Variants in SMURF2 observed in about 807,000 individuals in gnomAD.
SMURF2 encodes SMAD specific E3 ubiquitin protein ligase 2.
Under a neutral mutation model 109.6 loss-of-function variants are expected in SMURF2, and 48 were observed. The ratio of observed to expected loss-of-function variants is 0.44; its 90% confidence interval spans 0.35 to 0.56. The LOEUF (loss-of-function observed/expected upper bound fraction) is 0.56. SMURF2 is among the 20% of genes least tolerant of loss of function. SMURF2 has a pLI of 0.01. For missense variants in SMURF2, 575 were observed against 909.0 expected (o/e 0.63, Z 4.72); for synonymous variants, 288 against 317.1 (o/e 0.91, Z 0.97).
chr17:64,607,941 T>G (rs1969991984), intron 1 of SMURF2, among the ~76,000 whole-genome samples: 1 of 150,740 alleles, frequency 6.6e-6, no homozygotes, highest in South Asian at 2.1e-4. Flanking sequence ...ACTGTACTAG[T>G]GAGCCAAGAT....
chr17:64,568,671 C>T (rs540325513), intron 10 of SMURF2, among the ~76,000 whole-genome samples: 10 of 152,246 alleles, frequency 6.6e-5, no homozygotes, highest in Non-Finnish European at 1.2e-4. Flanking sequence ...TCCTTATCAT[C>T]TCCCCAAATT....
chr17:64,643,977 C>T (rs1344673141), intron 1 of SMURF2, among the ~76,000 whole-genome samples: 1 of 151,966 alleles, frequency 6.6e-6, no homozygotes, highest in Non-Finnish European at 1.5e-5. Context: ...AGGTGCGCGC[C>T]ACCAAGCCTG....
At chr17:64,546,126 T>C in intron 18 of SMURF2, 137 bp downstream of exon 18, 1 of 972,546 alleles carries the variant, frequency 1.0e-6, no homozygotes, top group Non-Finnish European at 1.5e-6. Flanking sequence ...TCTTAACTTT[T>C]AAATCACTTA....
At chr17:64,644,703 G>C (rs1335019489) in intron 1 of SMURF2, among the ~76,000 whole-genome samples, 1 of 150,986 alleles carries the variant, frequency 6.6e-6, no homozygotes, top group Non-Finnish European at 1.5e-5. Flanking sequence ...CCTAAGATCA[G>C]GAGTTTGAGA....
chr17:64,601,333 A>G (rs1162451617), intron 2 of SMURF2, among the ~76,000 whole-genome samples: 1 of 152,200 alleles, frequency 6.6e-6, no homozygotes, highest in African/African-American at 2.4e-5. Flanking sequence ...AAGTACTCAA[A>G]CAAATCAGCA....
intron 11 of SMURF2, among the ~76,000 whole-genome samples, chr17:64,561,906 G>A (rs1178717851): frequency 1.3e-5 from 2 of 152,114 alleles, no homozygotes; most frequent in East Asian, 3.9e-4. Context: ...AGGCTAAGGT[G>A]GGAGGACTGC....
chr17:64,631,274 G>GGA (rs1598305060), intron 1 of SMURF2, among the ~76,000 whole-genome samples: 1 of 12,398 alleles, frequency 8.1e-5, no homozygotes, highest in African/African-American at 2.3e-4. Context: ...GGGAGAGAGG[G>GGA]GGGGGGGGAG....
intron 5 of SMURF2, among the ~76,000 whole-genome samples, chr17:64,588,869 C>G (rs1432971279): frequency 2.6e-5 from 4 of 152,144 alleles, no homozygotes; most frequent in Non-Finnish European, 5.9e-5. Context: ...GTGATCCACC[C>G]ACCTTGGCCT....
intron 10 of SMURF2, among the ~76,000 whole-genome samples, chr17:64,564,418 T>TG (rs1254025842): frequency 3.9e-5 from 6 of 152,102 alleles, no homozygotes; most frequent in African/African-American, 7.2e-5. Flanking sequence ...TGGCTGGAGA[T>TG]GGGGTGTTAT....
At chr17:64,594,946 C>T (rs574853719) in intron 3 of SMURF2, among the ~76,000 whole-genome samples, 2 of 152,024 alleles carry the variant, frequency 1.3e-5, no homozygotes, top group South Asian at 2.1e-4. Flanking sequence ...GCCTAGATTG[C>T]GTCACTGCAC....
intron 1 of SMURF2, among the ~76,000 whole-genome samples, chr17:64,641,539 G>A (rs186763606): frequency 2.0e-5 from 3 of 152,206 alleles, no homozygotes; most frequent in Non-Finnish European, 1.5e-5. Context: ...GGACCTCCTA[G>A]GCTAAGTCAG....
At chr17:64,588,174 C>T (rs9303475) in intron 5 of SMURF2, among the ~76,000 whole-genome samples, 36,068 of 146,748 alleles carry the variant, frequency 0.25, 9,112 homozygotes, top group African/African-American at 0.64. Context: ...AAAAAAATCA[C>T]AAAAAAGGTA....
At chr17:64,610,944 C>A (rs1159447749) in intron 1 of SMURF2, among the ~76,000 whole-genome samples, 1 of 152,082 alleles carries the variant, frequency 6.6e-6, no homozygotes, top group Non-Finnish European at 1.5e-5. Context: ...GGCACTTGAC[C>A]CCCTCATGGG....
chr17:64,644,608 G>GA (rs375136131), intron 1 of SMURF2, among the ~76,000 whole-genome samples: 10 of 123,148 alleles, frequency 8.1e-5, no homozygotes, highest in Admixed American at 8.3e-5. Context: ...AAAAAAAAAA[G>GA]AAAAAAAAAA....
At chr17:64,635,936 C>A (rs1555692030) in intron 1 of SMURF2, among the ~76,000 whole-genome samples, 1 of 152,168 alleles carries the variant, frequency 6.6e-6, no homozygotes, top group Non-Finnish European at 1.5e-5. Flanking sequence ...TACATTCCCA[C>A]CAACAATGTA....
chr17:64,570,927 C>A (rs555963714), intron 10 of SMURF2, among the ~76,000 whole-genome samples: 1 of 152,182 alleles, frequency 6.6e-6, no homozygotes, highest in Admixed American at 6.5e-5. Flanking sequence ...ACCACAGGTG[C>A]GCACCACCAT....
At chr17:64,560,502 T>C (rs369177521) in intron 12 of SMURF2, among the ~76,000 whole-genome samples, 13 of 152,272 alleles carry the variant, frequency 8.5e-5, no homozygotes, top group African/African-American at 3.1e-4. Context: ...TAACAATTAA[T>C]GGGAATTATT....
chr17:64,572,092 T>C, intron 9 of SMURF2, 136 bp from the exon 10 acceptor site: 1 of 748,714 alleles, frequency 1.3e-6, no homozygotes, highest in Non-Finnish European at 2.0e-6. Flanking sequence ...TCAGCTGGAA[T>C]CTTTAATTCC....
intron 1 of SMURF2, among the ~76,000 whole-genome samples, chr17:64,659,416 A>AT (rs895633315): frequency 2.0e-5 from 3 of 151,530 alleles, no homozygotes; most frequent in Non-Finnish European, 4.4e-5. Context: ...TTTTTAAGTG[A>AT]TTTTTTTTCC....
Sources: allele counts gnomAD v4.1 joint callset (sites outside exome capture counted in the v4.1 genomes callset), GRCh38; gene constraint gnomAD v4.1.1; transcripts MANE v1.5; gene names NCBI Gene and HGNC (gene_info 2026-07-23, HGNC 2026-07-21).